The following COL24A1 variants were observed in gnomAD, a reference collection of about 807,000 sequenced individuals.
The protein encoded by COL24A1 is collagen alpha-1(XXIV) chain.
A neutral mutation model predicts 253.9 loss-of-function variants in COL24A1; 224 were observed. That is an observed-to-expected ratio of 0.88 (90% CI 0.79 to 0.99). COL24A1 has a LOEUF of 0.99. Among genes scored for constraint, COL24A1 ranks in the 50% least tolerant of loss-of-function variants. The probability of loss-of-function intolerance (pLI) is 0.00; values close to 1 mark genes in which losing one functional copy is unlikely to be tolerated. For synonymous variants in COL24A1, 685 were observed against 673.7 expected (o/e 1.02, Z -0.26); for missense variants, 2,131 against 2,068.5 (o/e 1.03, Z -0.59).
At chr1:85,989,384 C>A (rs1316450142) in intron 19 of COL24A1, among the ~76,000 whole-genome samples, 4 of 151,816 alleles carry the variant, frequency 2.6e-5, no homozygotes, top group African/African-American at 9.7e-5. Context: ...ACCACCACGA[C>A]CATCTTCCAA....
chr1:86,137,921 T>A (rs1650488565), intron 2 of COL24A1, among the ~76,000 whole-genome samples: 1 of 152,190 alleles, frequency 6.6e-6, no homozygotes, highest in Admixed American at 6.5e-5. Flanking sequence ...ATTATGCCAG[T>A]CTTCTGACCA....
At chr1:85,855,037 G>A (rs1231027960) in intron 37 of COL24A1, among the ~76,000 whole-genome samples, 4 of 152,022 alleles carry the variant, frequency 2.6e-5, no homozygotes, top group African/African-American at 7.2e-5. Context: ...TCTCAGCTGG[G>A]ATGTTATTGG....
chr1:85,830,178 G>C (rs4459140), intron 43 of COL24A1, among the ~76,000 whole-genome samples: 8 of 151,754 alleles, frequency 5.3e-5, no homozygotes. Flanking sequence ...TGGAGTACCC[G>C]GCCGTGTGAG....
intron 28 of COL24A1, among the ~76,000 whole-genome samples, chr1:85,900,977 C>T (rs1232865265): frequency 6.6e-6 from 1 of 152,090 alleles, no homozygotes; most frequent in Non-Finnish European, 1.5e-5. Flanking sequence ...AGGGGAAAAG[C>T]TCCATGACAT....
Position 86,055,305 on chromosome 1 carries a change from T to C in COL24A1, c.1851+2626A>G, listed in dbSNP as rs183553772. ...CCCTAAATTTCAAATAATTTTTAAA[T>C]CTACATTTGAGACCCTTTATGAATG... On this transcript the variant is annotated intron_variant, in intron 10 of 59. Coordinates refer to ENST00000370571, the MANE Select transcript of COL24A1 (RefSeq NM_152890.7). Among the ~76,000 whole-genome samples the C allele has an allele frequency of 3.3e-5, 5 of 152,304 alleles. No individual in the cohort carries two copies. The East Asian group carries it at 9.6e-4, about 29-fold the overall frequency.
chr1:86,082,782 C>A (rs981062476), intron 7 of COL24A1, among the ~76,000 whole-genome samples: 3 of 150,410 alleles, frequency 2.0e-5, no homozygotes, highest in African/African-American at 7.3e-5. Flanking sequence ...ATATCCCTTG[C>A]CTGAAATGCT....
At position 85,783,586 on chromosome 1, in the gene COL24A1, TA is replaced by T. The variant is rs1424373764; in HGVS notation, c.4222-29del. 3.1e-6 allele frequency: 5 copies of T among 1,596,856 alleles called. No homozygotes were observed. In the African/African-American group the frequency reaches 4.0e-5, roughly 13 times the overall value. On this transcript the variant is annotated intron_variant, in intron 50 of 59. Coordinates refer to ENST00000370571, the MANE Select transcript of COL24A1 (RefSeq NM_152890.7). ...AGACATACAATAAGAAACAAAAAGA[TA>T]AAATTTGTAGCTCTATATGAACATT...
At chr1:86,107,134 G>T (rs12755633) in intron 5 of COL24A1, among the ~76,000 whole-genome samples, 41,914 of 152,036 alleles carry the variant, frequency 0.28, 6,254 homozygotes, top group Middle Eastern at 0.35. Flanking sequence ...TTTTATAAAA[G>T]AATTCCTCAT....
intron 13 of COL24A1, among the ~76,000 whole-genome samples, chr1:86,033,389 T>C (rs1571680265): frequency 6.6e-6 from 1 of 152,150 alleles, no homozygotes; most frequent in African/African-American, 2.4e-5. Flanking sequence ...TCCATCATCA[T>C]TCTTTGATGA....
chr1:86,078,972 A>T (rs1003605613), intron 7 of COL24A1, among the ~76,000 whole-genome samples: 3 of 152,174 alleles, frequency 2.0e-5, no homozygotes, highest in African/African-American at 7.2e-5. Flanking sequence ...ATTTATGTGG[A>T]ACCACAAAAA....
intron 24 of COL24A1, among the ~76,000 whole-genome samples, chr1:85,914,921 G>T (rs1685746967): frequency 6.6e-6 from 1 of 152,154 alleles, no homozygotes; most frequent in Non-Finnish European, 1.5e-5. Context: ...TTTATTTGAA[G>T]GTTAAGTATG....
At chr1:85,947,810 A>G (rs1285733662) in intron 24 of COL24A1, among the ~76,000 whole-genome samples, 2 of 152,118 alleles carry the variant, frequency 1.3e-5, no homozygotes, top group African/African-American at 4.8e-5. Flanking sequence ...AGGATAGTTC[A>G]TTTCTGTCAG....
intron 7 of COL24A1, among the ~76,000 whole-genome samples, chr1:86,078,009 G>T (rs1027304649): frequency 6.6e-6 from 1 of 151,790 alleles, no homozygotes; most frequent in East Asian, 1.9e-4. Context: ...AAAGAAAACT[G>T]CAGGCCAATA....
chr1:85,834,682 T>C (rs1164050452), intron 43 of COL24A1, among the ~76,000 whole-genome samples: 1 of 152,232 alleles, frequency 6.6e-6, no homozygotes, highest in Non-Finnish European at 1.5e-5. Flanking sequence ...TCATCTCTCC[T>C]AAGTTTAGCT....
intron 48 of COL24A1, among the ~76,000 whole-genome samples, chr1:85,784,576 A>G (rs1323527406): frequency 1.3e-5 from 2 of 152,148 alleles, no homozygotes; most frequent in Non-Finnish European, 2.9e-5. Flanking sequence ...AGCAGTGGGA[A>G]AAGGAAATTC....
intron 57 of COL24A1, among the ~76,000 whole-genome samples, chr1:85,737,948 T>G (rs923340453): frequency 6.6e-6 from 1 of 152,206 alleles, no homozygotes; most frequent in Admixed American, 6.5e-5. Flanking sequence ...TATATTTACA[T>G]TTAGTGAATG....
intron 47 of COL24A1, among the ~76,000 whole-genome samples, chr1:85,806,055 G>A (rs1297969345): frequency 7.3e-6 from 1 of 136,072 alleles, no homozygotes; most frequent in Non-Finnish European, 1.5e-5. Flanking sequence ...CAGGTTGGGC[G>A]ACAGAGCGAG....
intron 4 of COL24A1, among the ~76,000 whole-genome samples, chr1:86,113,837 CAAAAAAAAAAAAA>C (rs36014881): frequency 8.3e-5 from 6 of 72,432 alleles, no homozygotes; most frequent in South Asian, 6.3e-4. Flanking sequence ...TCCTGTCTCA[CAAAAAAAAAAAAA>C]AAAAAAAAAA....
chr1:86,010,622 T>C (rs1696401347), intron 19 of COL24A1, among the ~76,000 whole-genome samples: 1 of 152,154 alleles, frequency 6.6e-6, no homozygotes, highest in Non-Finnish European at 1.5e-5. Context: ...TCCAACCGTA[T>C]AGAAATACAT....
Sources: allele counts gnomAD v4.1 joint callset (sites outside exome capture counted in the v4.1 genomes callset), GRCh38; gene constraint gnomAD v4.1.1; transcripts MANE v1.5; gene names NCBI Gene and HGNC (gene_info 2026-07-23, HGNC 2026-07-21).